NOTCH2: variants seen among roughly 807,000 people sequenced by gnomAD.
NOTCH2 encodes the protein neurogenic locus notch homolog protein 2.
Under a neutral mutation model 235.8 loss-of-function variants are expected in NOTCH2, and 29 were observed. The ratio of observed to expected loss-of-function variants is 0.12; its 90% CI spans 0.09 to 0.17. The LOEUF (loss-of-function observed/expected upper bound fraction) is 0.17, where lower values mean the gene tolerates loss of function less well. Among genes scored for constraint, NOTCH2 ranks in the 10% least tolerant of loss-of-function variants. NOTCH2 has a pLI of 1.00. For missense variants in NOTCH2, 2,285 were observed against 3,150.2 expected, an observed-to-expected ratio of 0.73 and a Z score of 6.57; for synonymous variants, 1,086 against 1,141.5, an observed-to-expected ratio of 0.95 and a Z score of 0.98.
chr1:120,042,244 G>A (rs1196723915), intron 1 of NOTCH2, among the ~76,000 whole-genome samples: 20 of 93,096 alleles, frequency 2.1e-4, no homozygotes, highest in African/African-American at 1.0e-3. Flanking sequence ...ATCTTCCTCC[G>A]AGAGAGGATA....
intron 11 of NOTCH2, among the ~76,000 whole-genome samples, chr1:119,960,924 C>A (rs938443322): frequency 6.6e-6 from 1 of 152,096 alleles, no homozygotes; most frequent in Non-Finnish European, 1.5e-5. Flanking sequence ...CCTCGGCCTC[C>A]CAAAATGTTG....
chr1:120,000,175 C>T lies in NOTCH2; in HGVS notation c.416-2843G>A, dbSNP rs587616016. Among the ~76,000 whole-genome samples, 8 of 151,926 alleles carry T rather than the reference C, an allele frequency of 5.3e-5. No individual in the cohort carries two copies. In the East Asian group the frequency reaches 1.5e-3, roughly 29 times the overall value. ...CTGAGGTATAGTGCTATCACAAAAA[C>T]CAAAAGGATGACTTTGATCTGTGAT... On this transcript the variant is annotated intron_variant, in intron 3 of 33. Transcript: ENST00000256646.
chr1:119,988,016 TA>T (rs1262077760), intron 4 of NOTCH2, among the ~76,000 whole-genome samples: 1 of 152,202 alleles, frequency 6.6e-6, no homozygotes, highest in Non-Finnish European at 1.5e-5. Flanking sequence ...GCTTCTATTC[TA>T]AACATTCTCC....
chr1:119,922,224 A>G lies in NOTCH2; in HGVS notation c.5213+12T>C. On this transcript the variant is annotated intron_variant, in intron 28 of 33. Coordinates refer to ENST00000256646, the MANE Select transcript of NOTCH2 (RefSeq NM_024408.4). ...ATACTGTGAATAGTGGCTTATTGGCAATGCCTCTTACTTCAGCCCCACAGC... is the reference window on the plus strand; with the variant it reads ...ATACTGTGAATAGTGGCTTATTGGCGATGCCTCTTACTTCAGCCCCACAGC... 1 of 1,612,984 alleles carries G rather than the reference A, an allele frequency of 6.2e-7. No individual in the cohort carries two copies. The highest frequency in any genetic ancestry group is 1.1e-5 in the South Asian group (1 of 91,042).
At chr1:119,926,386 T>C (rs113086210) in intron 24 of NOTCH2, 113 bp downstream of exon 24, 5 of 867,876 alleles carry the variant, frequency 5.8e-6, no homozygotes, top group Non-Finnish European at 9.5e-6. Flanking sequence ...AGAGCTAAAA[T>C]TGAGAAATCT....
chr1:119,913,371 G>C lies in NOTCH2; in HGVS notation c.*1935C>G, dbSNP rs1420632919. The C allele has an allele frequency of 8.6e-6, 2 of 233,128 alleles. No individual in the cohort carries two copies. Among genetic ancestry groups the C allele is most frequent in the African/African-American group, 4.4e-5 (2 of 45,312 alleles). 14.4% of individuals were successfully genotyped at this position (233,128 alleles called of 1,614,324 possible). A position where few individuals can be genotyped will look rare whatever the true frequency, so the allele number is the denominator to read the frequency against. On this transcript the variant is annotated 3_prime_UTR_variant, in exon 34 of 34. Transcript: ENST00000256646. Reference sequence around the variant, plus strand: ...TATGGGGCCACCGACAGACAAATCAGGTAAGTGGGAAGCACTGATGCATAC... The same window carrying C: ...TATGGGGCCACCGACAGACAAATCACGTAAGTGGGAAGCACTGATGCATAC...
rs1359498930 is a variant in NOTCH2 at position 119,955,133 on chromosome 1, G to A, written c.2126C>T (p.Pro709Leu). The A allele has an allele frequency of 6.2e-6, 10 of 1,613,986 alleles. No individual in the cohort carries two copies. The highest frequency in any genetic ancestry group is 6.8e-6 in the Non-Finnish European group (8 of 1,180,014). ...NGVNGFRCICPEGPHHPSCYS... is the reference protein window; with the variant it reads ...NGVNGFRCICLEGPHHPSCYS... ...GCAGCTGGGGTGATGGGGTCCCTCG[G>A]GGCATATACAGCGGAAACCATTCAC... The change falls in exon 13 of 34, where the codon CCC (proline) becomes CTC (leucine). Residue 709 changes from proline (P) to leucine (L), a missense_variant. By Grantham distance (98) the Pro-to-Leu change is moderately conservative. This residue lies in a region of NOTCH2 where 1,173 missense variants were observed against 1,515.3 expected (regional missense o/e 0.77). Transcript: ENST00000256646.
intron 23 of NOTCH2, 62 bp from the exon 24 acceptor site, chr1:119,926,673 A>G (rs2101165137): frequency 7.2e-7 from 1 of 1,379,938 alleles, no homozygotes. Context: ...AAGTTACTCA[A>G]CAAACTTTGC....
chr1:119,930,985 C>A (rs1460646866), intron 22 of NOTCH2, among the ~76,000 whole-genome samples: 1 of 150,922 alleles, frequency 6.6e-6, no homozygotes, highest in Non-Finnish European at 1.5e-5. Context: ...CGCTTGTAGT[C>A]CCAGCTACTC....
chr1:119,940,899 AT>A (rs1650041948), intron 18 of NOTCH2, 143 bp from the exon 19 acceptor site: 3 of 755,960 alleles, frequency 4.0e-6, no homozygotes, highest in Admixed American at 4.0e-5. Context: ...TACAAGCTAG[AT>A]TGGGTGCCAG....
chr1:119,929,272 G>A, intron 22 of NOTCH2, 60 bp from the exon 23 acceptor site: 1 of 1,379,364 alleles, frequency 7.2e-7, no homozygotes, highest in Non-Finnish European at 1.0e-6. Context: ...TTTCCAGCAA[G>A]GGATAACCAC....
rs1403400512 is a variant in NOTCH2 at position 119,926,622 on chromosome 1, A to G, written c.3893-11T>C. 1.9e-6 allele frequency: 3 copies of G among 1,583,342 alleles called. No homozygotes were observed. Among genetic ancestry groups the G allele is most frequent in the African/African-American group, 1.3e-5 (1 of 74,442 alleles). ...TTTCACAGTGCCGGCCTCAGAAAATAAAAAATAAAAAAGGTTTTAAAAGGC... is the reference window on the plus strand; with the variant it reads ...TTTCACAGTGCCGGCCTCAGAAAATGAAAAATAAAAAAGGTTTTAAAAGGC... On this transcript the variant is annotated splice_polypyrimidine_tract_variant and intron_variant, in intron 23 of 33. Coordinates refer to ENST00000256646, the MANE Select transcript of NOTCH2 (RefSeq NM_024408.4).
chr1:119,924,649 G>T (rs1220513242), intron 25 of NOTCH2, among the ~76,000 whole-genome samples: 1 of 151,966 alleles, frequency 6.6e-6, no homozygotes, highest in Non-Finnish European at 1.5e-5. Context: ...ATACTATTTG[G>T]TACAACTTTT....
chr1:120,035,423 T>C (rs1308135384), intron 1 of NOTCH2, among the ~76,000 whole-genome samples: 3 of 152,040 alleles, frequency 2.0e-5, no homozygotes, highest in African/African-American at 7.3e-5. Context: ...GATCAGAGCT[T>C]ACCTTACCTG....
intron 1 of NOTCH2, among the ~76,000 whole-genome samples, chr1:120,040,039 CA>C (rs1197059227): frequency 2.2e-5 from 1 of 44,678 alleles, no homozygotes; most frequent in African/African-American, 7.3e-5. Flanking sequence ...AGAACAACCT[CA>C]GATTTCCCTA....
chr1:119,999,917 G>GAGAAAGAAAGAAAGAA (rs71260137), intron 3 of NOTCH2, among the ~76,000 whole-genome samples: 15 of 91,186 alleles, frequency 1.6e-4, no homozygotes, highest in South Asian at 4.2e-4. Context: ...GAGAAAGAGA[G>GAGAAAGAAAGAAAGAA]AGAAAGAAAG....
intron 3 of NOTCH2, 184 bp downstream of exon 3, chr1:120,005,145 G>C: frequency 1.2e-6 from 1 of 824,730 alleles, no homozygotes; most frequent in Non-Finnish European, 2.0e-6. Context: ...CTCTTTCTCT[G>C]CCCCCTGAAA....
At chr1:119,976,648 C>T (rs1367971096) in intron 5 of NOTCH2, among the ~76,000 whole-genome samples, 3 of 152,068 alleles carry the variant, frequency 2.0e-5, no homozygotes, top group Non-Finnish European at 4.4e-5. Flanking sequence ...GTAGAATGCG[C>T]CACTCGCTTG....
At chr1:119,951,810 G>C (rs1261557884) in intron 14 of NOTCH2, among the ~76,000 whole-genome samples, 1 of 152,248 alleles carries the variant, frequency 6.6e-6, no homozygotes, top group Non-Finnish European at 1.5e-5. Flanking sequence ...GCAGAGGTAT[G>C]GGTTCAAGGA....
Sources: gnomAD v4.1 joint callset for allele counts (sites outside exome capture counted in the v4.1 genomes callset) on GRCh38, gnomAD v4.1.1 for gene constraint, gnomAD v4.1.1 regional missense constraint, MANE v1.5 for transcripts, NCBI Gene and HGNC (gene_info 2026-07-23, HGNC 2026-07-21) for gene names.